The following SLC6A18 variants were observed in gnomAD, a reference collection of about 807,000 sequenced individuals.
SLC6A18 encodes solute carrier family 6 member 18.
Under a neutral mutation model 62.9 loss-of-function variants are expected in SLC6A18, and 58 were observed. The ratio of observed to expected loss-of-function variants is 0.92; its 90% CI spans 0.75 to 1.15. The LOEUF (loss-of-function observed/expected upper bound fraction) is 1.15, where lower values mean the gene tolerates loss of function less well. Ranked by LOEUF, SLC6A18 falls within the 50% of genes most tolerant of loss-of-function variation. The pLI is 0.00. For synonymous variants in SLC6A18, 382 were observed against 365.8 expected (o/e 1.04, Z -0.51); for missense variants, 793 against 836.6 (o/e 0.95, Z 0.64).
intron 1 of SLC6A18, among the ~76,000 whole-genome samples, chr5:1,230,169 G>A (rs1746692663): frequency 7.6e-6 from 1 of 131,478 alleles, no homozygotes; most frequent in Non-Finnish European, 1.7e-5. Flanking sequence ...GTGGGGGAGG[G>A]AAGAGGGGCT....
At chr5:1,235,129 G>T (rs146648770) in intron 3 of SLC6A18, among the ~76,000 whole-genome samples, 1 of 152,210 alleles carries the variant, frequency 6.6e-6, no homozygotes, top group Non-Finnish European at 1.5e-5. Context: ...GCCGCTCTCC[G>T]TCCAGTGCTC....
intron 1 of SLC6A18, among the ~76,000 whole-genome samples, chr5:1,228,740 C>G (rs1167810801): frequency 6.6e-6 from 1 of 152,182 alleles, no homozygotes; most frequent in Admixed American, 6.5e-5. Flanking sequence ...GGCGTGCTGG[C>G]GTCTACTTGT....
chr5:1,229,588 C>T (rs1453076393), intron 1 of SLC6A18, among the ~76,000 whole-genome samples: 8 of 152,162 alleles, frequency 5.3e-5, no homozygotes, highest in East Asian at 1.9e-4. Context: ...ATCTGGAACC[C>T]GGAGCCCCTG....
chr5:1,226,803 G>A (rs1450134943), intron 1 of SLC6A18, among the ~76,000 whole-genome samples: 1 of 152,154 alleles, frequency 6.6e-6, no homozygotes, highest in East Asian at 1.9e-4. Context: ...TGCCTGTGCT[G>A]CGGCTCGATC....
chr5:1,239,598 C>A (rs1223367813), intron 6 of SLC6A18, 36 bp downstream of exon 6: 2 of 1,524,670 alleles, frequency 1.3e-6, no homozygotes, highest in African/African-American at 2.7e-5. Context: ...GCCAGGGAAG[C>A]TTTGGGGAGA....
chr5:1,229,241 C>T (rs1024809135), intron 1 of SLC6A18, among the ~76,000 whole-genome samples: 3 of 152,030 alleles, frequency 2.0e-5, no homozygotes, highest in Admixed American at 2.0e-4. Context: ...CCTCTCATCT[C>T]CTCTCCCCTA....
rs1746991404 is a variant in SLC6A18 at position 1,239,372 on chromosome 5, G to A, written c.733-78G>A. 9.1e-6 allele frequency: 10 copies of A among 1,095,810 alleles called. No homozygotes were observed. The South Asian group carries it at 1.3e-4, about 14-fold the overall frequency. 67.9% of individuals were successfully genotyped at this position (1,095,810 alleles called of 1,614,324 possible). ...ACGAGTGTCCCCAAAGCCACCTTGG[G>A]AACGTTCTGGAACAGTCAGGGCCAC... On this transcript the variant is annotated intron_variant, in intron 5 of 11. Coordinates refer to ENST00000324642, the MANE Select transcript of SLC6A18 (RefSeq NM_182632.3).
At position 1,246,050 on chromosome 5, in the gene SLC6A18, A is replaced by G; in HGVS notation, c.1859A>G (p.Asp620Gly). 6.3e-7 allele frequency: 1 copy of G among 1,589,044 alleles called. No homozygotes were observed. The highest frequency in any genetic ancestry group is 1.1e-5 in the South Asian group (1 of 89,288). Residue 620 changes from aspartate to glycine, a missense_variant, in exon 12 of 12, where the codon GAC (aspartate) becomes GGC (glycine). Transcript: ENST00000324642. Reference sequence around the variant, plus strand: ...GACACGGACACGCGCCCAGACACGGACATGCGCCCGGACACGGACATGCGC... The same window carrying G: ...GACACGGACACGCGCCCAGACACGGGCATGCGCCCGGACACGGACATGCGC... Reference protein sequence around the residue: ...RPDTDTRPDTDMRPDTDMR With the variant: ...RPDTDTRPDTGMRPDTDMR
At chr5:1,228,007 C>T (rs1746626929) in intron 1 of SLC6A18, among the ~76,000 whole-genome samples, 1 of 152,200 alleles carries the variant, frequency 6.6e-6, no homozygotes, top group Admixed American at 6.5e-5. Flanking sequence ...GTTCAACCGA[C>T]TTCTGTATCT....
At chr5:1,232,917 T>C (rs1486886522) in intron 3 of SLC6A18, 29 bp downstream of exon 3, 3 of 1,594,680 alleles carry the variant, frequency 1.9e-6, no homozygotes, top group African/African-American at 1.3e-5. Context: ...GCTGTGTGGG[T>C]CCGTGCACGG....
At chr5:1,244,171 T>TA in intron 9 of SLC6A18, 43 bp from the exon 10 acceptor site, 17 of 588,170 alleles carry the variant, frequency 2.9e-5, no homozygotes, top group Non-Finnish European at 3.3e-5. Flanking sequence ...ACACCTCCAC[T>TA]CCCCATCCCC....
In SLC6A18 at chr5:1,244,751, C is replaced by G. The variant is rs755523816; in HGVS notation, c.1640C>G (p.Ala547Gly). The G allele has an allele frequency of 3.7e-6, 6 of 1,607,510 alleles. No individual in the cohort carries two copies. The South Asian group carries it at 6.6e-5, about 18-fold the overall frequency. Residue 547 changes from alanine (A) to glycine (G), a missense_variant, in exon 11 of 12, where the codon GCC (alanine) becomes GGC (glycine). Coordinates refer to ENST00000324642, the MANE Select transcript of SLC6A18 (RefSeq NM_182632.3). ...TTCTGGAAGCCACTGAGATACAAGGCCTGGAACCCCAAATACGTAGGTCCT... is the reference window on the plus strand; with the variant it reads ...TTCTGGAAGCCACTGAGATACAAGGGCTGGAACCCCAAATACGTAGGTCCT... ...LLFWKPLRYK[A>G]WNPKYELFPS...
chr5:1,245,902 T>G lies in SLC6A18; in HGVS notation c.1711T>G (p.Cys571Gly). Reference protein sequence around the residue: ...KLYPGWARAACVLLSLLPVLW... With the variant: ...KLYPGWARAAGVLLSLLPVLW... ...CTACCCGGGCTGGGCGCGCGCCGCCTGTGTGCTGCTGTCCTTGCTGCCCGT... is the reference window on the plus strand; with the variant it reads ...CTACCCGGGCTGGGCGCGCGCCGCCGGTGTGCTGCTGTCCTTGCTGCCCGT... Residue 571 changes from cysteine (C) to glycine (G), a missense_variant, in exon 12 of 12, where the codon TGT (cysteine) becomes GGT (glycine). Physicochemically the swap from Cys to Gly is radical, Grantham distance 159. Transcript: ENST00000324642. 2 of 1,607,490 alleles carry G rather than the reference T, an allele frequency of 1.2e-6. No individual in the cohort carries two copies. Among genetic ancestry groups the G allele is most frequent in the Admixed American group, 1.7e-5 (1 of 59,948 alleles).
At chr5:1,238,765 G>C (rs1302006412) in intron 5 of SLC6A18, among the ~76,000 whole-genome samples, 1 of 152,194 alleles carries the variant, frequency 6.6e-6, no homozygotes, top group Non-Finnish European at 1.5e-5. Flanking sequence ...AGGAGGGACA[G>C]GGTTCTGGGA....
In SLC6A18 at chr5:1,240,543, G is replaced by T. The variant is rs1218371637; in HGVS notation, c.858G>T (p.Gln286His). 1 of 1,614,052 alleles carries T rather than the reference G, an allele frequency of 6.2e-7. No individual in the cohort carries two copies. Among genetic ancestry groups the T allele is most frequent in the Non-Finnish European group, 8.5e-7 (1 of 1,180,022 alleles). ...CGTTTGTGCCCAGGAATGACTGCCA[G>T]AAGGATGCGGTGGTCATCGCCCTGG... ...ASYNSPRNDC[Q>H]KDAVVIALVN... is the part of the protein sequence containing the mutation. The change falls in exon 7 of 12, where the codon CAG becomes CAT. Residue 286 changes from glutamine to histidine, a missense_variant. By Grantham distance (24) the Gln-to-His change is conservative (BLOSUM62 0). Transcript: ENST00000324642.
chr5:1,235,685 C>A (rs1358523038), intron 4 of SLC6A18, 23 bp downstream of exon 4: 3 of 1,612,670 alleles, frequency 1.9e-6, no homozygotes, highest in South Asian at 1.1e-5. Context: ...AGGGCCTGAT[C>A]CCCTCTCTTG....
chr5:1,245,607 C>T (rs1035779655), intron 11 of SLC6A18, among the ~76,000 whole-genome samples: 1 of 152,242 alleles, frequency 6.6e-6, no homozygotes, highest in African/African-American at 2.4e-5. Context: ...AACACAACAC[C>T]TAGGCCTACC....
chr5:1,238,357 G>A (rs991287244), intron 5 of SLC6A18, among the ~76,000 whole-genome samples: 45 of 105,654 alleles, frequency 4.3e-4, no homozygotes, highest in East Asian at 9.0e-4. Context: ...CAGGAAAGAG[G>A]TCAGGTTTGG....
intron 6 of SLC6A18, among the ~76,000 whole-genome samples, chr5:1,239,867 G>A (rs1747008071): frequency 1.3e-5 from 2 of 152,236 alleles, no homozygotes; most frequent in African/African-American, 4.8e-5. Flanking sequence ...AAGGCCCGTT[G>A]GTGCCGACAT....
Sources: allele counts gnomAD v4.1 joint callset (sites outside exome capture counted in the v4.1 genomes callset), GRCh38; gene constraint gnomAD v4.1.1; transcripts MANE v1.5; gene names NCBI Gene and HGNC (gene_info 2026-07-23, HGNC 2026-07-21).